The following GNB5 variants were observed in gnomAD, a reference collection of about 807,000 sequenced individuals.
GNB5 encodes guanine nucleotide-binding protein subunit beta-5.
GNB5 carries 37 observed loss-of-function variants against 55.3 expected under a neutral mutation model. The observed-to-expected ratio is 0.67, with a 90% CI of 0.51 to 0.88. GNB5 has a LOEUF of 0.88. Among genes scored for constraint, GNB5 ranks in the 40% least tolerant of loss-of-function variants. The probability of loss-of-function intolerance (pLI) is 0.00; values close to 1 mark genes in which losing one functional copy is unlikely to be tolerated. For missense variants in GNB5, 476 were observed against 515.3 expected (o/e 0.92, Z 0.74); for synonymous variants, 219 against 198.5 (o/e 1.10, Z -0.87).
At chr15:52,131,114 C>T (rs531899066) in intron 9 of GNB5, among the ~76,000 whole-genome samples, 31 of 152,318 alleles carry the variant, frequency 2.0e-4, no homozygotes, top group South Asian at 8.3e-4. Context: ...GCGTGAGCCA[C>T]GGTGCCCAGC....
rs768266803 is a variant in GNB5, at chr15:52,141,266, CA to C, written c.500del (p.Leu167TrpfsTer10). ...AGGGGTACACAGAACACTTATTATC[CA>C]AACCACTAGGATGGAAAGAAAGAAG... Reference protein sequence around the residue: ...PSGCAIACGGLDNKCSVYPLT... With the variant: ...PSGCAIACGGXDNKCSVYPLT... On this transcript the variant is annotated frameshift_variant, in exon 7 of 13. Transcript: ENST00000261837. LOFTEE classifies it high-confidence loss of function. The C allele has an allele frequency of 1.9e-6, 3 of 1,613,508 alleles. No homozygotes were observed. Among genetic ancestry groups the C allele is most frequent in the Non-Finnish European group, 8.5e-7 (1 of 1,179,578 alleles).
chr15:52,169,787 T>C (rs372096709), intron 3 of GNB5, among the ~76,000 whole-genome samples: 1 of 151,864 alleles, frequency 6.6e-6, no homozygotes, highest in African/African-American at 2.4e-5. Context: ...AGGGACAAAC[T>C]ACAGAAGGGA....
chr15:52,145,418 T>C (rs2033950187), intron 6 of GNB5, among the ~76,000 whole-genome samples: 1 of 151,562 alleles, frequency 6.6e-6, no homozygotes, highest in South Asian at 2.1e-4. Flanking sequence ...GGCAGGCAGA[T>C]CACTTGATGT....
chr15:52,136,571 T>C (rs1199130010), intron 7 of GNB5, among the ~76,000 whole-genome samples: 1 of 152,208 alleles, frequency 6.6e-6, no homozygotes, highest in African/African-American at 2.4e-5. Flanking sequence ...AGCAGGGGTC[T>C]AGGCAGCATC....
At chr15:52,165,569 C>A (rs2034434117) in intron 3 of GNB5, among the ~76,000 whole-genome samples, 1 of 152,122 alleles carries the variant, frequency 6.6e-6, no homozygotes, top group Non-Finnish European at 1.5e-5. Flanking sequence ...AAAAGAATTT[C>A]CAACCCAGAA....
intron 7 of GNB5, chr15:52,137,116 C>T (rs1439578096): frequency 8.1e-6 from 5 of 618,772 alleles, no homozygotes; most frequent in South Asian, 7.1e-5. Context: ...GTACCCTTCC[C>T]TAATTCCTCC....
rs778985161 is a variant in GNB5 at position 52,128,880 on chromosome 15, A to G, written c.864-636T>C. The stretch of plus-strand genomic sequence containing the variant: ...CCCTAAATTATAAGCCAGAGGCAGA[A>G]TGAGAGCAAATGTCTTTAAACCCCT... On this transcript the variant is annotated intron_variant, in intron 9 of 12. Transcript: ENST00000261837. 3.1e-5 allele frequency: 12 copies of G among 391,260 alleles called. No homozygotes were observed. In the East Asian group the frequency reaches 7.3e-4, roughly 24 times the overall value. The allele number at this position is 391,260 out of a possible 1,614,324, so 24.2% of individuals were successfully genotyped here. A position where few individuals can be genotyped will look rare whatever the true frequency, so the allele number is the denominator to read the frequency against.
Position 52,153,571 on chromosome 15 carries a change from T to C in GNB5, c.375+369A>G, listed in dbSNP as rs569027322. Among the ~76,000 whole-genome samples, 3 of 152,250 alleles carry C rather than the reference T, an allele frequency of 2.0e-5. No homozygotes were observed. The East Asian group carries it at 5.8e-4, about 29-fold the overall frequency. ...ATCTGTATCTTAACATTGTTCTTTA[T>C]GACATAAGAATTGCTAAGCTCCTTA... On this transcript the variant is annotated intron_variant, in intron 4 of 12. Transcript: ENST00000261837.
At position 52,133,453 on chromosome 15, in the gene GNB5, G is replaced by T; in HGVS notation, c.788C>A (p.Ala263Asp). The T allele has an allele frequency of 6.2e-7, 1 of 1,611,462 alleles. No individual in the cohort carries two copies. Among genetic ancestry groups the T allele is most frequent in the East Asian group, 2.2e-5 (1 of 44,866 alleles). ...TFVSGGCDKK[A>D]MVWDMRSGQC... ...GCCGGAGCGCATGTCCCACACCATG[G>T]CTTTCTTGTCACATCCCTACAAATG... The change falls in exon 9 of 13, where the codon GCC becomes GAC. Residue 263 changes from alanine to aspartate, a missense_variant. By Grantham distance (126) the Ala-to-Asp change is moderately radical. Coordinates refer to ENST00000261837, the MANE Select transcript of GNB5 (RefSeq NM_016194.4).
intron 3 of GNB5, among the ~76,000 whole-genome samples, chr15:52,175,769 G>A (rs575335983): frequency 1.5e-4 from 16 of 106,622 alleles, no homozygotes; most frequent in African/African-American, 5.2e-4. Flanking sequence ...AACAAAAAAC[G>A]GCCAGGCGCA....
At chr15:52,128,761 G>T in intron 9 of GNB5, 1 of 456,468 alleles carries the variant, frequency 2.2e-6, no homozygotes, top group South Asian at 1.5e-5. Context: ...TCCATGCAAA[G>T]AATCTGGCAT....
In GNB5 at chr15:52,128,294, G is replaced by T. The variant is rs12909161; in HGVS notation, c.864-50C>A. The T allele has an allele frequency of 0.15, 180,543 of 1,199,920 alleles. 15,835 individuals carry two copies. Among genetic ancestry groups the T allele is most frequent in the Admixed American group, 0.31 (18,190 of 58,930 alleles). 74.3% of individuals were successfully genotyped at this position (1,199,920 alleles called of 1,614,324 possible). A position where few individuals can be genotyped will look rare whatever the true frequency, so the allele number is the denominator to read the frequency against. Reference sequence around the variant, plus strand: ...ACGGTTGTGACTCCTGACCCTGGATGCCCATCAGAACCATGCTAGGCCCTT... The same window carrying T: ...ACGGTTGTGACTCCTGACCCTGGATTCCCATCAGAACCATGCTAGGCCCTT... On this transcript the variant is annotated intron_variant, in intron 9 of 12. Coordinates refer to ENST00000261837, the MANE Select transcript of GNB5 (RefSeq NM_016194.4).
chr15:52,136,172 A>ACACACACACACACCCC (rs1168734914), intron 7 of GNB5, among the ~76,000 whole-genome samples: 4 of 100,118 alleles, frequency 4.0e-5, no homozygotes, highest in African/African-American at 1.8e-4. Context: ...ACACACACAC[A>ACACACACACACACCCC]CCCTACCTGC....
At chr15:52,179,922 A>G in intron 2 of GNB5, 43 bp from the exon 3 acceptor site, 1 of 1,473,030 alleles carries the variant, frequency 6.8e-7, no homozygotes, top group Non-Finnish European at 9.0e-7. Context: ...GAGAGCGGGA[A>G]TGCGCTGAGC....
chr15:52,153,671 C>T (rs1566942013), intron 4 of GNB5, among the ~76,000 whole-genome samples: 1 of 152,110 alleles, frequency 6.6e-6, no homozygotes, highest in East Asian at 1.9e-4. Flanking sequence ...AAACTGGTTT[C>T]ATTTACAAAT....
chr15:52,136,652 G>A (rs181096837), intron 7 of GNB5, among the ~76,000 whole-genome samples: 15 of 152,268 alleles, frequency 9.9e-5, no homozygotes, highest in South Asian at 2.1e-4. Context: ...GACCACTGAC[G>A]GGTGCCAGAG....
Position 52,184,611 on chromosome 15 carries a change from A to C in GNB5, c.66T>G (p.Ala22=), listed in dbSNP as rs756790691. ...GSCDKCFKQR[A]LRPVFKKSQQ... ...GAGACTTCTTGAAAACTGGTCTCAG[A>C]GCTCGTTGTTTGAAACATTTGTCAC... The change falls in exon 2 of 13, where the codon GCT becomes GCG. Residue 22 remains alanine, a synonymous_variant. Transcript: ENST00000261837. 1.3e-5 allele frequency: 21 copies of C among 1,613,224 alleles called. No individual in the cohort carries two copies. In the Admixed American group the frequency reaches 3.2e-4, roughly 24 times the overall value.
rs182112406 is a variant in GNB5 at position 52,115,373 on chromosome 15, G to A, written c.*7384C>T. 1.3e-5 allele frequency: 2 copies of A among 152,300 alleles called. No homozygotes were observed. The highest frequency in any genetic ancestry group is 1.3e-4 in the Admixed American group (2 of 15,296). The allele number at this position is 152,300 out of a possible 1,614,324, so 9.4% of individuals were successfully genotyped here. On this transcript the variant is annotated 3_prime_UTR_variant, in exon 13 of 13. Transcript: ENST00000261837. ...AAAATCCTGTCTCTGCAACTTGGAA[G>A]CTGTGCAGCTATGGGCAAGTTATTC...
At chr15:52,185,484 G>T (rs950440546) in intron 1 of GNB5, among the ~76,000 whole-genome samples, 3 of 152,168 alleles carry the variant, frequency 2.0e-5, no homozygotes, top group Non-Finnish European at 2.9e-5. Context: ...AGGTCATGCT[G>T]CCCTGAGTGG....
Sources: allele counts gnomAD v4.1 joint callset (sites outside exome capture counted in the v4.1 genomes callset), GRCh38; gene constraint gnomAD v4.1.1; transcripts MANE v1.5; gene names NCBI Gene and HGNC (gene_info 2026-07-23, HGNC 2026-07-21).